PHIP: variants seen among roughly 807,000 people sequenced by gnomAD.
PHIP encodes the protein PHIP subunit of CUL4-Ring ligase complex.
In PHIP, 54 loss-of-function variants were observed where a neutral mutation model predicts 236.8. The observed-to-expected ratio is 0.23, with a 90% CI of 0.18 to 0.29. The LOEUF (loss-of-function observed/expected upper bound fraction) is 0.29. PHIP is among the 10% of genes least tolerant of loss of function. The pLI, the probability that PHIP is intolerant of heterozygous loss-of-function variation, is 1.00. For synonymous variants in PHIP, 756 were observed against 718.9 expected, an observed-to-expected ratio of 1.05 and a Z score of -0.83; for missense variants, 1,370 against 2,190.8, an observed-to-expected ratio of 0.63 and a Z score of 7.48.
At chr6:79,023,128 C>T (rs1461072963) in intron 9 of PHIP, among the ~76,000 whole-genome samples, 1 of 152,156 alleles carries the variant, frequency 6.6e-6, no homozygotes, top group Non-Finnish European at 1.5e-5. Context: ...GCAGAGGCTA[C>T]AGTACAGTGG....
At chr6:79,027,514 A>G (rs1381997182) in intron 7 of PHIP, among the ~76,000 whole-genome samples, 3 of 152,206 alleles carry the variant, frequency 2.0e-5, no homozygotes, top group African/African-American at 7.2e-5. Context: ...CGATTCATGC[A>G]TTCATTTATC....
At chr6:78,977,528 T>C (rs1339959268) in intron 24 of PHIP, among the ~76,000 whole-genome samples, 1 of 152,066 alleles carries the variant, frequency 6.6e-6, no homozygotes, top group Non-Finnish European at 1.5e-5. Context: ...ATTAAAAAAA[T>C]ACCATTATTG....
intron 15 of PHIP, among the ~76,000 whole-genome samples, chr6:79,011,312 C>T (rs1770563361): frequency 6.6e-6 from 1 of 151,824 alleles, no homozygotes; most frequent in South Asian, 2.1e-4. Context: ...GTACTGAAGG[C>T]CTAGAATGTA....
intron 7 of PHIP, among the ~76,000 whole-genome samples, chr6:79,039,210 TAGC>T (rs1772089591): frequency 6.6e-6 from 1 of 152,164 alleles, no homozygotes; most frequent in Non-Finnish European, 1.5e-5. Context: ...ACCCACTATT[TAGC>T]AGGTCACAAA....
intron 6 of PHIP, among the ~76,000 whole-genome samples, chr6:79,056,560 T>A (rs1582297256): frequency 1.3e-5 from 2 of 152,130 alleles, no homozygotes; most frequent in African/African-American, 4.8e-5. Flanking sequence ...TTTGGCAATG[T>A]CTGGAGACTT....
chr6:79,014,139 T>TA (rs1181670555), intron 15 of PHIP, among the ~76,000 whole-genome samples: 1 of 150,642 alleles, frequency 6.6e-6, no homozygotes, highest in Non-Finnish European at 1.5e-5. Context: ...TTTCCCTCAC[T>TA]AAAAAATCTG....
rs779925221 is a variant in PHIP, at chr6:79,030,283, T to TA, written c.601-4120dup. Among the ~76,000 whole-genome samples the TA allele has an allele frequency of 9.9e-5, 15 of 152,114 alleles. 1 individual carries two copies. Among genetic ancestry groups the TA allele is most frequent in the Non-Finnish European group, 1.8e-4 (12 of 68,008 alleles). ...GTGGAAAAATTCTGCAAGCAACAAT[T>TA]AAAGACCTGCTAAATTTAAATAGCA... On this transcript the variant is annotated intron_variant, in intron 7 of 39. Transcript: ENST00000275034.
rs1773258806 is a variant in PHIP, at chr6:78,936,008, T to C, written c.*4685A>G. On this transcript the variant is annotated 3_prime_UTR_variant, in exon 40 of 40. Coordinates refer to ENST00000275034, the MANE Select transcript of PHIP (RefSeq NM_017934.7). ...TGCATCAAAACTAACATAGAAAGTG[T>C]CCACGTAACAGTAAAGAAAGGTCCA... 6.6e-6 allele frequency: 1 copy of C among 152,218 alleles called. No individual in the cohort carries two copies. Among genetic ancestry groups the C allele is most frequent in the Non-Finnish European group, 1.5e-5 (1 of 68,140 alleles). 9.4% of individuals were successfully genotyped at this position (152,218 alleles called of 1,614,324 possible).
chr6:79,075,270 G>C (rs985225311), intron 4 of PHIP, among the ~76,000 whole-genome samples: 4 of 152,092 alleles, frequency 2.6e-5, no homozygotes, highest in African/African-American at 9.7e-5. Context: ...TATACAGTTT[G>C]ATGGATGAGA....
In PHIP at chr6:78,961,824, A is replaced by G. The variant is rs778434833; in HGVS notation, c.3536-14T>C. On this transcript the variant is annotated splice_polypyrimidine_tract_variant and intron_variant, in intron 30 of 39. Coordinates refer to ENST00000275034, the MANE Select transcript of PHIP (RefSeq NM_017934.7). Reference sequence around the variant, plus strand: ...CTGAGGCAATATCTAAAATAAATAGATAAGTTTGTAAATTTATTTTTGTAT... The same window carrying G: ...CTGAGGCAATATCTAAAATAAATAGGTAAGTTTGTAAATTTATTTTTGTAT... 1 of 1,582,000 alleles carries G rather than the reference A, an allele frequency of 6.3e-7. No homozygotes were observed. Among genetic ancestry groups the G allele is most frequent in the Non-Finnish European group, 8.6e-7 (1 of 1,164,246 alleles).
At chr6:79,000,951 T>C (rs1018317595) in intron 17 of PHIP, among the ~76,000 whole-genome samples, 21 of 152,062 alleles carry the variant, frequency 1.4e-4, no homozygotes, top group Non-Finnish European at 7.4e-5. Flanking sequence ...AGTATGTCCA[T>C]CTTTATTGCA....
At chr6:78,992,997 GAAGTTA>G (rs906881527) in intron 19 of PHIP, among the ~76,000 whole-genome samples, 7 of 152,228 alleles carry the variant, frequency 4.6e-5, no homozygotes, top group Non-Finnish European at 7.3e-5. Flanking sequence ...GCTCTTGAAG[GAAGTTA>G]AATATGCTAC....
At chr6:79,026,719 A>G (rs1291117387) in intron 7 of PHIP, among the ~76,000 whole-genome samples, 1 of 151,838 alleles carries the variant, frequency 6.6e-6, no homozygotes, top group African/African-American at 2.4e-5. Context: ...CTGCCATAGT[A>G]GTGTAAGTCC....
At chr6:78,991,458 T>A (rs1769240974) in intron 19 of PHIP, among the ~76,000 whole-genome samples, 1 of 151,424 alleles carries the variant, frequency 6.6e-6, no homozygotes, top group Admixed American at 6.6e-5. Context: ...GACAGGGAGG[T>A]CAGGTTTCAC....
intron 4 of PHIP, among the ~76,000 whole-genome samples, chr6:79,063,485 C>T (rs1362350956): frequency 2.0e-5 from 3 of 152,154 alleles, no homozygotes; most frequent in South Asian, 2.1e-4. Context: ...GGCGGGATCT[C>T]GGCTCACTGC....
chr6:78,989,432 A>T (rs2127722698), intron 20 of PHIP, among the ~76,000 whole-genome samples: 1 of 152,324 alleles, frequency 6.6e-6, no homozygotes, highest in South Asian at 2.1e-4. Context: ...CCCACCAACC[A>T]AACAAAAAAG....
chr6:79,004,793 G>A (rs1770194389), intron 15 of PHIP, among the ~76,000 whole-genome samples: 1 of 152,108 alleles, frequency 6.6e-6, no homozygotes, highest in East Asian at 1.9e-4. Context: ...TTGGAAAAGA[G>A]AAAGGTAGTA....
rs376769294 is a variant in PHIP, at chr6:79,060,536, C to A, written c.381G>T (p.Ala127=). ...HVVWKGSALA[A]LHCGRPPESP... is the part of the protein sequence containing the mutation. The stretch of plus-strand genomic sequence containing the variant: ...ACTCAGGTGGTCTTCCACAGTGCAA[C>A]GCAGCCAGAGCAGATCCTTTCCACA... The change falls in exon 6 of 40, where the codon GCG becomes GCT. Residue 127 remains alanine (A), a synonymous_variant. Transcript: ENST00000275034. 1 of 1,613,876 alleles carries A rather than the reference C, an allele frequency of 6.2e-7. No individual in the cohort carries two copies. The highest frequency in any genetic ancestry group is 8.5e-7 in the Non-Finnish European group (1 of 1,179,844).
intron 24 of PHIP, among the ~76,000 whole-genome samples, chr6:78,971,934 G>A (rs4406190): frequency 0.45 from 67,471 of 151,160 alleles, 15,573 homozygotes; most frequent in East Asian, 0.68. Context: ...ACTGCAAGGC[G>A]GCAGCGAGGC....
Sources: gnomAD v4.1 joint callset for allele counts (sites outside exome capture counted in the v4.1 genomes callset) on GRCh38, gnomAD v4.1.1 for gene constraint, MANE v1.5 for transcripts, NCBI Gene and HGNC (gene_info 2026-07-23, HGNC 2026-07-21) for gene names.